The following TNK2 variants were observed in gnomAD, a reference collection of about 807,000 sequenced individuals.
TNK2 encodes activated CDC42 kinase 1.
Under a neutral mutation model 101.8 loss-of-function variants are expected in TNK2, and 83 were observed. The ratio of observed to expected loss-of-function variants is 0.82; its 90% confidence interval spans 0.68 to 0.98. The LOEUF (loss-of-function observed/expected upper bound fraction) is 0.98. Among genes scored for constraint, TNK2 ranks in the 50% least tolerant of loss-of-function variants. TNK2 has a pLI of 0.00. For missense variants in TNK2, 1,665 were observed against 1,483.2 expected, an observed-to-expected ratio of 1.12 and a Z score of -2.01; for synonymous variants, 804 against 633.0, an observed-to-expected ratio of 1.27 and a Z score of -4.06.
At chr3:195,870,998 TGTGTGGGTTCTGGTGTGTGGGGGCCC>T (rs1176854071) in intron 10 of TNK2, among the ~76,000 whole-genome samples, 1 of 90,108 alleles carries the variant, frequency 1.1e-5, no homozygotes, top group African/African-American at 3.7e-5. Flanking sequence ...GGGGGCCCGC[TGTGTGGGTTCTGGTGTGTGGGGGCCC>T]GCTGTGTGGG....
At chr3:195,889,985 A>C (rs1757714765) in intron 1 of TNK2, among the ~76,000 whole-genome samples, 1 of 152,244 alleles carries the variant, frequency 6.6e-6, no homozygotes, top group Admixed American at 6.5e-5. Flanking sequence ...AGGCACACAC[A>C]GCCTGGGCCC....
intron 1 of TNK2, chr3:195,892,732 T>C: frequency 7.3e-7 from 1 of 1,361,800 alleles, no homozygotes; most frequent in South Asian, 1.7e-5. Flanking sequence ...TTCTGTCTTC[T>C]CTCCAGGGCA....
chr3:195,875,672 A>G (rs962380436), intron 9 of TNK2, among the ~76,000 whole-genome samples: 1 of 152,048 alleles, frequency 6.6e-6, no homozygotes, highest in Non-Finnish European at 1.5e-5. Context: ...CTCTCCCGCC[A>G]TGAACAGGCC....
Position 195,882,168 on chromosome 3 carries a change from T to G in TNK2, c.770A>C (p.Asn257Thr). 1 of 1,613,870 alleles carries G rather than the reference T, an allele frequency of 6.2e-7. No homozygotes were observed. The highest frequency in any genetic ancestry group is 8.5e-7 in the Non-Finnish European group (1 of 1,180,022). ...RFIHRDLAAR[N>T]LLLATRDLVK... The stretch of plus-strand genomic sequence containing the variant: ...CAGGTCGCGGGTAGCCAACAGCAGA[T>G]TGCGGGCAGCCAGGTCACGGTGAAT... The change falls in exon 6 of 16, where the codon AAT becomes ACT. Residue 257 changes from asparagine to threonine, a missense_variant. Around this residue, in one of 3 missense-constraint regions of TNK2, gnomAD observed 490 missense variants for 522.5 expected, o/e 0.94. Coordinates refer to ENST00000672887, the MANE Select transcript of TNK2 (RefSeq NM_001382273.1). This position sits in a 1 kb window ranked among gnomAD's most constrained non-coding sequence, Gnocchi z 4.2.
chr3:195,884,321 T>C (rs908560733), intron 4 of TNK2: 8 of 152,330 alleles, frequency 5.3e-5, no homozygotes, highest in East Asian at 1.9e-4. Context: ...ATTATTTTTA[T>C]AGTTGAAATA....
At chr3:195,870,973 GGGGTTCTGGTGTGTGGGGGCCCGCTGTGT>G (rs71180978) in intron 10 of TNK2, among the ~76,000 whole-genome samples, 32,308 of 129,268 alleles carry the variant, frequency 0.25, 4,209 homozygotes, top group South Asian at 0.44. Context: ...CTCGCTGTGT[GGGGTTCTGGTGTGTGGGGGCCCGCTGTGT>G]GGGTTCTGGT....
rs534737099 is a variant in TNK2 at position 195,870,503 on chromosome 3, C to T, written c.1452-298G>A. 6.5e-6 allele frequency: 6 copies of T among 920,042 alleles called. No individual in the cohort carries two copies. The South Asian group carries it at 9.5e-5, about 15-fold the overall frequency. The allele number at this position is 920,042 out of a possible 1,614,324, so 57.0% of individuals were successfully genotyped here. A position where few individuals can be genotyped will look rare whatever the true frequency, so the allele number is the denominator to read the frequency against. ...CAACCCCCCAGGCCCCCAGCCCACA[C>T]CAGGCAGCGGCCAGAGGGCAGACAC... On this transcript the variant is annotated intron_variant, in intron 10 of 15. Transcript: ENST00000672887.
chr3:195,871,221 A>G (rs575680395), intron 10 of TNK2, among the ~76,000 whole-genome samples: 32 of 152,130 alleles, frequency 2.1e-4, no homozygotes, highest in African/African-American at 7.5e-4. Flanking sequence ...GGCATCCCGG[A>G]AGTGACTGAT....
intron 9 of TNK2, 31 bp from the exon 10 acceptor site, chr3:195,872,501 A>G: frequency 6.4e-7 from 1 of 1,551,772 alleles, no homozygotes. Context: ...GGTGAACGCC[A>G]GGCGTGGCGG....
rs1164768601 is a variant in TNK2 at position 195,878,493 on chromosome 3, G to C, written c.1114C>G (p.Pro372Ala). The C allele has an allele frequency of 6.2e-7, 1 of 1,613,958 alleles. No individual in the cohort carries two copies. Residue 372 changes from proline to alanine, a missense_variant, in exon 8 of 16, where the codon CCA becomes GCA. Pro to Ala is a conservative substitution (Grantham distance 27). This residue lies in a region of TNK2 where 490 missense variants were observed against 522.5 expected (regional missense o/e 0.94). Coordinates refer to ENST00000672887, the MANE Select transcript of TNK2 (RefSeq NM_001382273.1). The surrounding 1 kb of genome is among the most constrained non-coding windows in gnomAD (Gnocchi z 4.7). ...NVMVQCWAHK[P>A]EDRPTFVALR... ...GCCACAAACGTGGGTCTGTCCTCTGGCTTGTGAGCCCAGCACTGGACCATG... is the reference window on the plus strand; with the variant it reads ...GCCACAAACGTGGGTCTGTCCTCTGCCTTGTGAGCCCAGCACTGGACCATG...
chr3:195,882,288 A>C lies in TNK2; in HGVS notation c.650T>G (p.Leu217Arg). 1 of 1,613,542 alleles carries C rather than the reference A, an allele frequency of 6.2e-7. No individual in the cohort carries two copies. The highest frequency in any genetic ancestry group is 8.5e-7 in the Non-Finnish European group (1 of 1,179,932). ...GAGGAAGTGGCCCTGGTGCTTACGT[A>C]GCCGGTCCAACAACGATCCCAGAGG... ...LAPLGSLLDR[L>R]RKHQGHFLLG... is the part of the protein sequence containing the mutation. Residue 217 changes from leucine to arginine, a missense_variant, in exon 6 of 16, where the codon CTA becomes CGA. Physicochemically the swap from Leu to Arg is moderately radical, Grantham distance 102 (BLOSUM62 -2). Coordinates refer to ENST00000672887, the MANE Select transcript of TNK2 (RefSeq NM_001382273.1). This position sits in a 1 kb window ranked among gnomAD's most constrained non-coding sequence, Gnocchi z 4.2.
At chr3:195,893,432 AAAAC>A (rs1759398311) in intron 1 of TNK2, among the ~76,000 whole-genome samples, 2 of 151,772 alleles carry the variant, frequency 1.3e-5, no homozygotes, top group South Asian at 2.1e-4. Flanking sequence ...AAACCCGCTC[AAAAC>A]AAACAAATAT....
chr3:195,869,539 C>T lies in TNK2; in HGVS notation c.1546G>A (p.Glu516Lys), dbSNP rs373724105. The stretch of plus-strand genomic sequence containing the variant: ...GGCTGAGGTGGGCGAGGTGGAGGCT[C>T]CCCTGCAAGAAAGGCCATGCGGACA... ...PPQHLGGVKR[E>K]PPPRPPQPAF... The change falls in exon 12 of 16, where the codon GAG (glutamate) becomes AAG (lysine). Residue 516 changes from glutamate (E) to lysine (K), a missense_variant and splice_region_variant. Around this residue, in one of 3 missense-constraint regions of TNK2, gnomAD observed 1,136 missense variants for 894.9 expected, o/e 1.27. Coordinates refer to ENST00000672887, the MANE Select transcript of TNK2 (RefSeq NM_001382273.1). 1.4e-5 allele frequency: 21 copies of T among 1,551,060 alleles called. No individual in the cohort carries two copies. Among genetic ancestry groups the T allele is most frequent in the Non-Finnish European group, 1.7e-5 (20 of 1,146,996 alleles).
intron 4 of TNK2, chr3:195,883,558 A>ACCTCCCCT (rs1252781111): frequency 8.0e-6 from 4 of 497,510 alleles, no homozygotes; most frequent in Non-Finnish European, 1.5e-5. Context: ...CCGGGCTTAA[A>ACCTCCCCT]TACCAACCAA....
At chr3:195,868,845 C>A in intron 12 of TNK2, 136 bp from the exon 13 acceptor site, 1 of 1,081,026 alleles carries the variant, frequency 9.3e-7, no homozygotes, top group Non-Finnish European at 1.3e-6. Flanking sequence ...GGTCTGAGGT[C>A]AGCCACCGGC....
intron 9 of TNK2, 89 bp from the exon 10 acceptor site, chr3:195,872,559 G>C: frequency 7.3e-7 from 1 of 1,362,882 alleles, no homozygotes. Context: ...CACTGTGGCA[G>C]AAGGGGGATG....
chr3:195,868,554 C>G lies in TNK2; in HGVS notation c.1744G>C (p.Glu582Gln), dbSNP rs770581073. The G allele has an allele frequency of 1.5e-5, 24 of 1,572,348 alleles. No individual in the cohort carries two copies. The highest frequency in any genetic ancestry group is 2.0e-5 in the Non-Finnish European group (23 of 1,167,354). Reference protein sequence around the residue: ...GTKASRGSGAEVTLIDFGEEP... With the variant: ...GTKASRGSGAQVTLIDFGEEP... ...TCACCGAAGTCGATGAGCGTGACCT[C>G]AGCCCCGCTGCCTCGGCTGGCCTTG... The change falls in exon 13 of 16, where the codon GAG (glutamate) becomes CAG (glutamine). Residue 582 changes from glutamate (E) to glutamine (Q), a missense_variant. By Grantham distance (29) the Glu-to-Gln change is conservative. Transcript: ENST00000672887.
intron 9 of TNK2, among the ~76,000 whole-genome samples, chr3:195,874,564 CG>C (rs1747851278): frequency 7.6e-6 from 1 of 130,890 alleles, no homozygotes; most frequent in East Asian, 2.3e-4. Flanking sequence ...ACGCACGCTC[CG>C]AGGCACAAGA....
At chr3:195,891,752 C>T (rs1324362705) in intron 1 of TNK2, among the ~76,000 whole-genome samples, 1 of 152,170 alleles carries the variant, frequency 6.6e-6, no homozygotes, top group African/African-American at 2.4e-5. Flanking sequence ...CCACCACCAA[C>T]TCCCAAGGAT....
Sources: gnomAD v4.1 joint callset for allele counts (sites outside exome capture counted in the v4.1 genomes callset) on GRCh38, gnomAD v4.1.1 for gene constraint, gnomAD v4.1.1 regional missense constraint, Gnocchi (gnomAD v3.1) non-coding constraint, MANE v1.5 for transcripts, NCBI Gene and HGNC (gene_info 2026-07-23, HGNC 2026-07-21) for gene names.